KIF1B: variants seen among roughly 807,000 people sequenced by gnomAD.
The protein encoded by KIF1B is kinesin family member 1B, also known as kinesin-like protein KIF1B.
KIF1B carries 76 observed loss-of-function variants against 241.9 expected under a neutral mutation model. That is an observed-to-expected ratio of 0.31 (90% CI 0.26 to 0.38). The LOEUF is 0.38. Ranked by LOEUF, KIF1B falls within the 10% of genes least tolerant of loss-of-function variation. The pLI is 1.00. For missense variants in KIF1B, 1,622 were observed against 2,271.4 expected, an observed-to-expected ratio of 0.71 and a Z score of 5.81; for synonymous variants, 750 against 796.7, an observed-to-expected ratio of 0.94 and a Z score of 0.99.
intron 6 of KIF1B, among the ~76,000 whole-genome samples, chr1:10,267,773 T>C (rs886854054): frequency 1.3e-5 from 2 of 152,246 alleles, no homozygotes; most frequent in Admixed American, 1.3e-4. Flanking sequence ...AGAGCTCTCA[T>C]TGAGTTTTAC....
At position 10,326,002 on chromosome 1, in the gene KIF1B, T is replaced by C. The variant is rs772560720; in HGVS notation, c.2676-109T>C. ...CTTTTGCTTTTCCATTTGCTTTTAT[T>C]GTGTTGATTCCCCAGTGGATTCTGT... is the stretch of plus-strand genomic sequence containing the variant. On this transcript the variant is annotated intron_variant, in intron 26 of 48. Coordinates refer to ENST00000676179, the MANE Select transcript of KIF1B (RefSeq NM_001365951.3). The surrounding 1 kb of genome is among the most constrained non-coding windows in gnomAD (Gnocchi z 5.2). The C allele has an allele frequency of 3.0e-5, 42 of 1,405,444 alleles. No homozygotes were observed. Among genetic ancestry groups the C allele is most frequent in the Non-Finnish European group, 4.0e-5 (40 of 999,820 alleles). 87.1% of individuals were successfully genotyped at this position (1,405,444 alleles called of 1,614,324 possible). A position where few individuals can be genotyped will look rare whatever the true frequency, so the allele number is the denominator to read the frequency against.
At chr1:10,243,834 G>A (rs934119785) in intron 2 of KIF1B, among the ~76,000 whole-genome samples, 6 of 152,124 alleles carry the variant, frequency 3.9e-5, no homozygotes, top group African/African-American at 1.2e-4. Flanking sequence ...AAAAAGCTGC[G>A]GGGAAGGGGC....
chr1:10,293,623 A>G (rs2102252340), intron 17 of KIF1B, among the ~76,000 whole-genome samples: 1 of 152,082 alleles, frequency 6.6e-6, no homozygotes, highest in Admixed American at 6.6e-5. Flanking sequence ...TGATCTCTTG[A>G]CTTTGTGATC....
In KIF1B at chr1:10,321,810, G is replaced by A. The variant is rs189631845; in HGVS notation, c.2311G>A (p.Val771Met). ...ACGGGACTTACTCTGGGGCAATGCC[G>A]TGTACCTAAAGGAGGCCAATGCCAT... ...SLRDLLWGNA[V>M]YLKEANAISV... is the part of the protein sequence containing the mutation. Residue 771 changes from valine (V) to methionine (M), a missense_variant, in exon 24 of 49, where the codon GTG becomes ATG. By Grantham distance (21) the Val-to-Met change is conservative (BLOSUM62 1). Coordinates refer to ENST00000676179, the MANE Select transcript of KIF1B (RefSeq NM_001365951.3). 2.2e-5 allele frequency: 36 copies of A among 1,614,146 alleles called. No homozygotes were observed. In the East Asian group the frequency reaches 2.5e-4, roughly 11 times the overall value.
At chr1:10,332,539 G>T (rs1179752967) in intron 27 of KIF1B, among the ~76,000 whole-genome samples, 1 of 105,644 alleles carries the variant, frequency 9.5e-6, no homozygotes, top group Non-Finnish European at 1.8e-5. Context: ...TTTTTGAGAC[G>T]GAGTCTCACT....
intron 2 of KIF1B, among the ~76,000 whole-genome samples, chr1:10,244,969 A>G (rs955379770): frequency 2.0e-5 from 3 of 152,184 alleles, no homozygotes; most frequent in Non-Finnish European, 4.4e-5. Context: ...TGTGCTGAAG[A>G]TGTCACTGGG....
At chr1:10,308,086 C>T (rs1650915295) in intron 22 of KIF1B, 1 of 1,059,436 alleles carries the variant, frequency 9.4e-7, no homozygotes, top group Non-Finnish European at 1.1e-6. Flanking sequence ...TGTTTTACTA[C>T]CGGAAGTTAC....
At position 10,295,740 on chromosome 1, in the gene KIF1B, G is replaced by A. The variant is rs1169892801; in HGVS notation, c.1751G>A (p.Arg584Gln). 3.7e-6 allele frequency: 6 copies of A among 1,613,744 alleles called. No individual in the cohort carries two copies. The highest frequency in any genetic ancestry group is 1.3e-5 in the African/African-American group (1 of 75,026). ...ATTAAAGAAGAGCATTGTATCTTCC[G>A]GAGTGAGAGAAGCAACAGCGGGGAA... is the stretch of plus-strand genomic sequence containing the variant. ...AHIKEEHCIF[R>Q]SERSNSGEVI... Residue 584 changes from arginine to glutamine, a missense_variant, in exon 19 of 49, where the codon CGG (arginine) becomes CAG (glutamine). Arg to Gln is a conservative substitution (Grantham distance 43, BLOSUM62 1). Transcript: ENST00000676179.
chr1:10,233,631 AAG>A (rs778947853), intron 2 of KIF1B, among the ~76,000 whole-genome samples: 12 of 152,162 alleles, frequency 7.9e-5, no homozygotes, highest in Non-Finnish European at 1.5e-4. Flanking sequence ...GTCAAAGAAA[AAG>A]AGATGCAAAA....
chr1:10,363,254 T>G (rs765414347), intron 40 of KIF1B, 29 bp from the exon 41 acceptor site: 1 of 1,582,446 alleles, frequency 6.3e-7, no homozygotes, highest in South Asian at 1.1e-5. Context: ...TTTAAGAGAT[T>G]AAACAATTGT....
At chr1:10,212,213 G>C (rs1646702619) in intron 1 of KIF1B, among the ~76,000 whole-genome samples, 1 of 152,156 alleles carries the variant, frequency 6.6e-6, no homozygotes, top group Non-Finnish European at 1.5e-5. Flanking sequence ...TATCATGGTG[G>C]ATATTTTATT....
chr1:10,244,789 TTTTTAGTAGAGACGGGG>T (rs1647185741), intron 2 of KIF1B, among the ~76,000 whole-genome samples: 1 of 151,016 alleles, frequency 6.6e-6, no homozygotes, highest in Non-Finnish European at 1.5e-5. Context: ...ATTTTTTGTA[TTTTTAGTAGAGACGGGG>T]TTTCACTGTT....
intron 22 of KIF1B, chr1:10,307,249 ATAAG>A: frequency 4.9e-6 from 5 of 1,022,442 alleles, no homozygotes; most frequent in Non-Finnish European, 5.9e-6. Context: ...CTCTTACTAA[ATAAG>A]TAACTAGTGC....
rs549832743 is a variant in KIF1B, at chr1:10,326,968, A to G, written c.2924+609A>G. ...TTGGCCAGTTTCACTGAGCCTATCT[A>G]CGGATCTTTGGCATCTGCTAAAATT... On this transcript the variant is annotated intron_variant, in intron 27 of 48. Transcript: ENST00000676179. The surrounding 1 kb of genome is among the most constrained non-coding windows in gnomAD (Gnocchi z 5.2). Among the ~76,000 whole-genome samples the G allele has an allele frequency of 1.3e-4, 20 of 152,224 alleles. No individual in the cohort carries two copies. Among genetic ancestry groups the G allele is most frequent in the Non-Finnish European group, 2.6e-4 (18 of 68,038 alleles).
At chr1:10,267,886 AAATT>A (rs776703832) in intron 6 of KIF1B, among the ~76,000 whole-genome samples, 3 of 152,212 alleles carry the variant, frequency 2.0e-5, no homozygotes, top group East Asian at 3.8e-4. Flanking sequence ...TAAAGAATAA[AAATT>A]AAATGCTTCA....
intron 31 of KIF1B, 136 bp from the exon 32 acceptor site, chr1:10,339,632 CA>C: frequency 1.3e-6 from 1 of 758,000 alleles, no homozygotes; most frequent in Non-Finnish European, 2.2e-6. Flanking sequence ...AGGTTCTTGA[CA>C]AGGAAAGTAA....
At chr1:10,215,178 T>C (rs1327319711) in intron 1 of KIF1B, among the ~76,000 whole-genome samples, 4 of 109,052 alleles carry the variant, frequency 3.7e-5, no homozygotes, top group Non-Finnish European at 7.1e-5. Flanking sequence ...ATATATTTTT[T>C]TTTTTTTTTT....
chr1:10,369,315 C>T (rs1393908508), intron 44 of KIF1B, among the ~76,000 whole-genome samples: 1 of 152,188 alleles, frequency 6.6e-6, no homozygotes. Context: ...ATGGAAGGTG[C>T]ACCACTGTAA....
At chr1:10,314,566 C>G (rs1651220085) in intron 22 of KIF1B, among the ~76,000 whole-genome samples, 1 of 151,258 alleles carries the variant, frequency 6.6e-6, no homozygotes, top group Non-Finnish European at 1.5e-5. Context: ...ACTACATATG[C>G]CCTCCACTAA....
Sources: allele counts gnomAD v4.1 joint callset (sites outside exome capture counted in the v4.1 genomes callset), GRCh38; gene constraint gnomAD v4.1.1; non-coding constraint Gnocchi (gnomAD v3.1); transcripts MANE v1.5; gene names NCBI Gene and HGNC (gene_info 2026-07-23, HGNC 2026-07-21).